SOBP: variants seen among roughly 807,000 people sequenced by gnomAD.
The protein encoded by SOBP is sine oculis-binding protein homolog.
In SOBP, 4 loss-of-function variants were observed where a neutral mutation model predicts 53.6. The observed-to-expected ratio is 0.07, with a 90% CI of 0.04 to 0.17. SOBP has a LOEUF of 0.17. SOBP is among the 10% of genes least tolerant of loss of function. The pLI is 1.00. For synonymous variants in SOBP, 584 were observed against 522.6 expected (o/e 1.12, Z -1.60); for missense variants, 1,088 against 1,204.7 (o/e 0.90, Z 1.43).
Position 107,506,224 on chromosome 6 carries a change from GA to G in SOBP, c.236-17del. The G allele has an allele frequency of 6.8e-6, 11 of 1,610,700 alleles. No individual in the cohort carries two copies. The highest frequency in any genetic ancestry group is 8.5e-6 in the Non-Finnish European group (10 of 1,177,150). ...TACATTCCTTGGTCACATTGAATAT[GA>G]TTTTTTTCTTTTACAGAAAATTCTT... is the stretch of plus-strand genomic sequence containing the variant. On this transcript the variant is annotated splice_polypyrimidine_tract_variant and intron_variant, in intron 2 of 6. Transcript: ENST00000317357.
At chr6:107,564,176 G>C (rs1027915213) in intron 4 of SOBP, among the ~76,000 whole-genome samples, 1 of 152,172 alleles carries the variant, frequency 6.6e-6, no homozygotes, top group African/African-American at 2.4e-5. Flanking sequence ...ATTGTGAGCT[G>C]TAGGCTGGCT....
chr6:107,611,668 G>A (rs951231127), intron 5 of SOBP, among the ~76,000 whole-genome samples: 1 of 152,124 alleles, frequency 6.6e-6, no homozygotes, highest in Admixed American at 6.5e-5. Context: ...CTGATGTCAG[G>A]GTACGCAATG....
intron 4 of SOBP, among the ~76,000 whole-genome samples, chr6:107,569,367 A>T (rs1785005701): frequency 6.6e-6 from 1 of 152,178 alleles, no homozygotes; most frequent in African/African-American, 2.4e-5. Flanking sequence ...AAAATAAAGC[A>T]CCAGTGGATA....
At chr6:107,633,390 C>A in intron 5 of SOBP, 124 bp from the exon 6 acceptor site, 1 of 1,214,920 alleles carries the variant, frequency 8.2e-7, no homozygotes, top group Non-Finnish European at 1.2e-6. Flanking sequence ...TAGAAGGAAA[C>A]AGTTCTGCCT....
intron 5 of SOBP, among the ~76,000 whole-genome samples, chr6:107,623,330 A>T (rs1434983557): frequency 6.6e-6 from 1 of 152,222 alleles, no homozygotes; most frequent in Non-Finnish European, 1.5e-5. Flanking sequence ...CGCTATGTTC[A>T]TAGAAGGAAA....
intron 3 of SOBP, among the ~76,000 whole-genome samples, chr6:107,509,514 A>T (rs1212241105): frequency 6.6e-6 from 1 of 152,116 alleles, no homozygotes; most frequent in African/African-American, 2.4e-5. Context: ...ATGCACATAA[A>T]TTGTGCATAA....
chr6:107,571,994 C>T (rs1319892059), intron 4 of SOBP, among the ~76,000 whole-genome samples: 2 of 152,144 alleles, frequency 1.3e-5, no homozygotes, highest in Non-Finnish European at 2.9e-5. Flanking sequence ...GAACATTTTA[C>T]TGTAAGATGA....
At chr6:107,599,795 CTTA>C (rs907320192) in intron 5 of SOBP, among the ~76,000 whole-genome samples, 7 of 152,112 alleles carry the variant, frequency 4.6e-5, no homozygotes, top group Non-Finnish European at 1.0e-4. Context: ...CAATTAGGCA[CTTA>C]TTATTGATTT....
intron 3 of SOBP, among the ~76,000 whole-genome samples, chr6:107,524,822 G>A (rs968952286): frequency 2.6e-5 from 4 of 152,238 alleles, no homozygotes; most frequent in African/African-American, 9.6e-5. Context: ...CAGTGCTGAT[G>A]TAGGGCAGTG....
At chr6:107,650,466 C>G (rs770018615) in intron 6 of SOBP, among the ~76,000 whole-genome samples, 1 of 152,234 alleles carries the variant, frequency 6.6e-6, no homozygotes, top group African/African-American at 2.4e-5. Flanking sequence ...ATTTTTCCAA[C>G]AGCATGTGCT....
intron 5 of SOBP, among the ~76,000 whole-genome samples, chr6:107,601,176 C>G (rs1786166846): frequency 6.6e-6 from 1 of 152,138 alleles, no homozygotes; most frequent in South Asian, 2.1e-4. Flanking sequence ...TTGAGTTCCT[C>G]TCTGACATTA....
chr6:107,503,595 T>C (rs868153876), intron 1 of SOBP, 62 bp from the exon 2 acceptor site: 1 of 1,571,180 alleles, frequency 6.4e-7, no homozygotes, highest in African/African-American at 1.3e-5. Context: ...ATTCAATTTA[T>C]GCATTCTTTT....
chr6:107,654,204 G>C (rs890929559), intron 6 of SOBP, among the ~76,000 whole-genome samples: 54 of 152,238 alleles, frequency 3.5e-4, no homozygotes, highest in Non-Finnish European at 3.8e-4. Context: ...ACCATGCCTT[G>C]TGGTGCCAGC....
chr6:107,533,050 C>G (rs1385609336), intron 3 of SOBP, among the ~76,000 whole-genome samples: 1 of 152,020 alleles, frequency 6.6e-6, no homozygotes. Flanking sequence ...AAGTTAGCAC[C>G]CTACAAATTG....
intron 3 of SOBP, among the ~76,000 whole-genome samples, chr6:107,519,528 A>G (rs1178025256): frequency 6.6e-6 from 1 of 152,148 alleles, no homozygotes; most frequent in Non-Finnish European, 1.5e-5. Flanking sequence ...CCTGTGGCAT[A>G]CGTCTCTCGC....
At chr6:107,528,763 G>T (rs1267684914) in intron 3 of SOBP, among the ~76,000 whole-genome samples, 1 of 152,186 alleles carries the variant, frequency 6.6e-6, no homozygotes, top group Non-Finnish European at 1.5e-5. Context: ...GTGGAGAGAG[G>T]TCTGTGAGGA....
At chr6:107,565,798 A>G (rs988360324) in intron 4 of SOBP, among the ~76,000 whole-genome samples, 2 of 152,240 alleles carry the variant, frequency 1.3e-5, no homozygotes, top group African/African-American at 4.8e-5. Flanking sequence ...GCACCTTCCA[A>G]ATCTAACCAG....
intron 4 of SOBP, among the ~76,000 whole-genome samples, chr6:107,569,247 G>A (rs1264079810): frequency 1.3e-5 from 2 of 152,194 alleles, no homozygotes; most frequent in Non-Finnish European, 2.9e-5. Flanking sequence ...ACAGTAGGCT[G>A]CAGGCTTCAG....
intron 4 of SOBP, among the ~76,000 whole-genome samples, chr6:107,538,044 C>G (rs6916162): frequency 0.96 from 146,024 of 152,272 alleles, 70,131 homozygotes; most frequent in African/African-American, 0.97. Context: ...GGAGAATATT[C>G]TGTTATTGGC....
Sources: allele counts gnomAD v4.1 joint callset (sites outside exome capture counted in the v4.1 genomes callset), GRCh38; gene constraint gnomAD v4.1.1; transcripts MANE v1.5; gene names NCBI Gene and HGNC (gene_info 2026-07-23, HGNC 2026-07-21).